The following FGF12 variants were observed in gnomAD, a reference collection of about 807,000 sequenced individuals.
FGF12 encodes fibroblast growth factor 12.
Under a neutral mutation model 23.6 loss-of-function variants are expected in FGF12, and 14 were observed. The ratio of observed to expected loss-of-function variants is 0.59; its 90% CI spans 0.39 to 0.93. The LOEUF (loss-of-function observed/expected upper bound fraction) is 0.93, where lower values mean the gene tolerates loss of function less well. FGF12 is among the 40% of genes least tolerant of loss of function. FGF12 has a pLI of 0.00. For missense variants in FGF12, 175 were observed against 217.8 expected (o/e 0.80, Z 1.24); for synonymous variants, 62 against 77.3 (o/e 0.80, Z 1.04).
chr3:192,567,357 A>G (rs931867144), intron 2 of FGF12, among the ~76,000 whole-genome samples: 1 of 152,184 alleles, frequency 6.6e-6, no homozygotes, highest in African/African-American at 2.4e-5. Flanking sequence ...TGGAGAAAAA[A>G]AAAGGGAAAA....
intron 2 of FGF12, among the ~76,000 whole-genome samples, chr3:192,407,765 C>T (rs188591976): frequency 1.1e-4 from 17 of 152,170 alleles, no homozygotes; most frequent in African/African-American, 4.1e-4. Flanking sequence ...TCTACAGGCT[C>T]TTTTGGAATA....
intron 2 of FGF12, among the ~76,000 whole-genome samples, chr3:192,715,113 A>C (rs1443331011): frequency 6.6e-6 from 1 of 152,176 alleles, no homozygotes; most frequent in Non-Finnish European, 1.5e-5. Flanking sequence ...TGAATAATTA[A>C]AGCTTTGTAA....
intron 4 of FGF12, among the ~76,000 whole-genome samples, chr3:192,200,255 GGA>G (rs1268206337): frequency 6.6e-6 from 1 of 151,952 alleles, no homozygotes; most frequent in Non-Finnish European, 1.5e-5. Flanking sequence ...CTTGAACCCA[GGA>G]GGCAGAAGTT....
chr3:192,325,408 T>C (rs1395440514), intron 4 of FGF12, among the ~76,000 whole-genome samples: 4 of 152,186 alleles, frequency 2.6e-5, no homozygotes, highest in Non-Finnish European at 5.9e-5. Flanking sequence ...CCCCTAAGAT[T>C]TGGCCTTTGA....
intron 2 of FGF12, among the ~76,000 whole-genome samples, chr3:192,659,193 A>G (rs888275660): frequency 3.9e-5 from 6 of 152,236 alleles, no homozygotes; most frequent in Non-Finnish European, 8.8e-5. Flanking sequence ...GTAGCAATAC[A>G]TTAGTGTGAC....
At chr3:192,170,430 C>A in intron 5 of FGF12, 28 bp downstream of exon 5, 1 of 1,600,790 alleles carries the variant, frequency 6.2e-7, no homozygotes, top group Non-Finnish European at 8.6e-7. Flanking sequence ...GATAAGGGTC[C>A]AACAAAGACA....
chr3:192,202,255 C>A (rs1289094750), intron 4 of FGF12, among the ~76,000 whole-genome samples: 1 of 152,058 alleles, frequency 6.6e-6, no homozygotes, highest in East Asian at 1.9e-4. Context: ...GGCACAGTTC[C>A]CAAGAACAGA....
intron 2 of FGF12, among the ~76,000 whole-genome samples, chr3:192,437,622 C>A (rs1290269772): frequency 1.3e-5 from 2 of 151,886 alleles, no homozygotes; most frequent in African/African-American, 4.8e-5. Flanking sequence ...ACCCAGGAGG[C>A]GGAGGTTGCA....
At chr3:192,569,107 G>A (rs773567583) in intron 2 of FGF12, among the ~76,000 whole-genome samples, 14 of 152,164 alleles carry the variant, frequency 9.2e-5, no homozygotes, top group South Asian at 4.1e-4. Context: ...AAAGTACAGC[G>A]ATGAAAGGTA....
intron 4 of FGF12, among the ~76,000 whole-genome samples, chr3:192,218,847 T>C (rs930377058): frequency 6.6e-6 from 1 of 152,206 alleles, no homozygotes; most frequent in African/African-American, 2.4e-5. Context: ...ATTTGATTGC[T>C]AGATTTGCTC....
chr3:192,549,757 C>T (rs187704883), intron 2 of FGF12, among the ~76,000 whole-genome samples: 47 of 152,306 alleles, frequency 3.1e-4, no homozygotes, highest in Admixed American at 2.1e-3. Context: ...TTCTGTCTAA[C>T]TGCTATGAGC....
intron 2 of FGF12, among the ~76,000 whole-genome samples, chr3:192,645,109 A>T (rs1715953522): frequency 6.6e-6 from 1 of 152,148 alleles, no homozygotes; most frequent in African/African-American, 2.4e-5. Context: ...CTGAAGCCAA[A>T]GAAGCTTGGG....
chr3:192,278,910 C>A (rs2108637005), intron 4 of FGF12, among the ~76,000 whole-genome samples: 1 of 150,572 alleles, frequency 6.6e-6, no homozygotes, highest in East Asian at 2.2e-4. Context: ...AGATATCAGT[C>A]ATGGTGGTTG....
intron 2 of FGF12, among the ~76,000 whole-genome samples, chr3:192,532,378 A>T (rs77370047): frequency 5.9e-5 from 9 of 152,054 alleles, no homozygotes; most frequent in Non-Finnish European, 8.8e-5. Context: ...CTTCCCATTT[A>T]TGAGCATGGG....
intron 2 of FGF12, among the ~76,000 whole-genome samples, chr3:192,680,044 T>G (rs1717463517): frequency 6.6e-6 from 1 of 152,200 alleles, no homozygotes; most frequent in Admixed American, 6.5e-5. Flanking sequence ...ATTTCTATAC[T>G]AAGGGCTTTT....
At chr3:192,185,417 G>A (rs1411932386) in intron 4 of FGF12, among the ~76,000 whole-genome samples, 2 of 152,178 alleles carry the variant, frequency 1.3e-5, no homozygotes, top group Non-Finnish European at 2.9e-5. Context: ...TGATGAAATA[G>A]CCCTTGTAAC....
At chr3:192,262,993 T>C (rs1181199815) in intron 4 of FGF12, among the ~76,000 whole-genome samples, 1 of 152,036 alleles carries the variant, frequency 6.6e-6, no homozygotes, top group Non-Finnish European at 1.5e-5. Context: ...CAAAATTAAG[T>C]ATAAAATCAA....
chr3:192,562,837 A>G (rs1712106183), intron 2 of FGF12, among the ~76,000 whole-genome samples: 1 of 151,786 alleles, frequency 6.6e-6, no homozygotes, highest in Admixed American at 6.6e-5. Flanking sequence ...TGTTTCATCC[A>G]CTAAGCTTCT....
chr3:192,199,666 G>A (rs1211601339), intron 4 of FGF12, among the ~76,000 whole-genome samples: 1 of 152,102 alleles, frequency 6.6e-6, no homozygotes, highest in African/African-American at 2.4e-5. Flanking sequence ...TTGTAAGTGG[G>A]TATTAAAAGA....
Sources: allele counts gnomAD v4.1 joint callset (sites outside exome capture counted in the v4.1 genomes callset), GRCh38; gene constraint gnomAD v4.1.1; transcripts MANE v1.5; gene names NCBI Gene and HGNC (gene_info 2026-07-23, HGNC 2026-07-21).